MMP26: variants seen among roughly 807,000 people sequenced by gnomAD.
The protein encoded by MMP26 is matrix metalloproteinase-26.
In MMP26, 33 loss-of-function variants were observed where a neutral mutation model predicts 31.0. That is an observed-to-expected ratio of 1.06 (90% CI 0.81 to 1.42). The LOEUF is 1.42. Ranked by LOEUF, MMP26 falls within the 40% of genes most tolerant of loss-of-function variation. MMP26 has a pLI of 0.00. For synonymous variants in MMP26, 122 were observed against 114.9 expected (o/e 1.06, Z -0.40); for missense variants, 347 against 316.1 (o/e 1.10, Z -0.74).
At chr11:4,969,851 C>T (rs745360130) in intron 2 of MMP26, among the ~76,000 whole-genome samples, 6 of 152,114 alleles carry the variant, frequency 3.9e-5, no homozygotes, top group Non-Finnish European at 7.4e-5. Context: ...ACTAGGCTCA[C>T]TTGCCAAAGA....
At chr11:4,982,340 G>A (rs1182970098) in intron 2 of MMP26, among the ~76,000 whole-genome samples, 5 of 152,248 alleles carry the variant, frequency 3.3e-5, no homozygotes, top group South Asian at 4.1e-4. Flanking sequence ...CAGCTACAAT[G>A]TCACTACATG....
chr11:4,814,615 A>G (rs772522104), intron 2 of MMP26, among the ~76,000 whole-genome samples: 1 of 152,200 alleles, frequency 6.6e-6, no homozygotes, highest in East Asian at 1.9e-4. Flanking sequence ...AACAGTTTCT[A>G]CAAACCAGGT....
At chr11:4,734,846 T>TATATAAGCAGGGCATAGGCAGAA (rs1296636856) in intron 1 of MMP26, among the ~76,000 whole-genome samples, 105 of 151,734 alleles carry the variant, frequency 6.9e-4, no homozygotes, top group Admixed American at 1.1e-3. Flanking sequence ...ATAGCATATT[T>TATATAAGCAGGGCATAGGCAGAA]TCAGCTTGTA....
At chr11:4,730,404 A>AAGAGACAGAGAGAGAGAGAGAG (rs141091963) in intron 1 of MMP26, among the ~76,000 whole-genome samples, 73 of 145,046 alleles carry the variant, frequency 5.0e-4, no homozygotes, top group African/African-American at 1.8e-3. Flanking sequence ...GTTTCTGGGA[A>AAGAGACAGAGAGAGAGAGAGAG]AGAGAGAGAG....
chr11:4,875,413 CT>C (rs1850366268), intron 2 of MMP26: 1 of 152,058 alleles, frequency 6.6e-6, no homozygotes, highest in African/African-American at 2.4e-5. Flanking sequence ...TTTAACAGTT[CT>C]TTAGATCAGA....
chr11:4,739,767 T>G (rs1848287946), intron 1 of MMP26, among the ~76,000 whole-genome samples: 1 of 152,198 alleles, frequency 6.6e-6, no homozygotes, highest in Non-Finnish European at 1.5e-5. Context: ...CCTGCTCTTA[T>G]AGGCCACTGA....
intron 2 of MMP26, among the ~76,000 whole-genome samples, chr11:4,923,065 T>C (rs1851207562): frequency 6.6e-6 from 1 of 152,244 alleles, no homozygotes; most frequent in Admixed American, 6.5e-5. Context: ...TGTCCAATCA[T>C]AATGGTTAAT....
rs192902490 is a variant in MMP26, at chr11:4,709,059, A to G, written c.-217+4014A>G. Among the ~76,000 whole-genome samples the G allele has an allele frequency of 8.5e-5, 13 of 152,302 alleles. No individual in the cohort carries two copies. In the East Asian group the frequency reaches 2.5e-3, roughly 29 times the overall value. The stretch of plus-strand genomic sequence containing the variant: ...TTCATTTGATCAGGAGTATTTTACT[A>G]GAAAATGTTTAATATTATCTTATTC... On this transcript the variant is annotated intron_variant, in intron 1 of 7. Coordinates refer to ENST00000380390, the MANE Select transcript of MMP26 (RefSeq NM_021801.5).
chr11:4,887,585 C>T (rs1346822874), intron 2 of MMP26, among the ~76,000 whole-genome samples: 2 of 152,078 alleles, frequency 1.3e-5, no homozygotes, highest in Non-Finnish European at 2.9e-5. Context: ...ATAGTTACTC[C>T]TTACTTCTTT....
chr11:4,862,969 T>G (rs1445418678), intron 2 of MMP26, among the ~76,000 whole-genome samples: 3 of 152,140 alleles, frequency 2.0e-5, no homozygotes, highest in African/African-American at 2.4e-5. Flanking sequence ...AAATGTCAAG[T>G]GAGAGCCTTC....
At chr11:4,891,290 T>C (rs1029967316) in intron 2 of MMP26, among the ~76,000 whole-genome samples, 3 of 152,082 alleles carry the variant, frequency 2.0e-5, no homozygotes, top group East Asian at 3.9e-4. Context: ...GGAGCTTTTA[T>C]TCATGACAGA....
At chr11:4,877,637 A>C (rs931775722) in intron 2 of MMP26, 5 of 152,194 alleles carry the variant, frequency 3.3e-5, no homozygotes, top group African/African-American at 1.2e-4. Context: ...GTAGCTGTAC[A>C]TGGCTATTAA....
chr11:4,990,968 G>T (rs541799395), intron 5 of MMP26, among the ~76,000 whole-genome samples: 61 of 152,248 alleles, frequency 4.0e-4, no homozygotes, highest in African/African-American at 1.4e-3. Flanking sequence ...TATGGTGGGG[G>T]TACTGCACAT....
At chr11:4,940,527 G>C (rs186537467) in intron 2 of MMP26, among the ~76,000 whole-genome samples, 11 of 152,242 alleles carry the variant, frequency 7.2e-5, no homozygotes, top group African/African-American at 2.4e-4. Flanking sequence ...TATAAAATCA[G>C]TGATAATAAA....
At position 4,989,777 on chromosome 11, in the gene MMP26, C is replaced by A; in HGVS notation, c.229C>A (p.Leu77Ile). Residue 77 changes from leucine (L) to isoleucine (I), a missense_variant, in exon 4 of 8, where the codon CTA becomes ATA. Coordinates refer to ENST00000380390, the MANE Select transcript of MMP26 (RefSeq NM_021801.5). ...ACTTGACATGCAGATGCATGCTCTGCTACACCAGCCCCACTGTGGGGTGCC... is the reference window on the plus strand; with the variant it reads ...ACTTGACATGCAGATGCATGCTCTGATACACCAGCCCCACTGTGGGGTGCC... ...DLLDMQMHAL[L>I]HQPHCGVPDG... 1 of 1,613,938 alleles carries A rather than the reference C, an allele frequency of 6.2e-7. No individual in the cohort carries two copies.
At chr11:4,820,778 A>T (rs1849485161) in intron 2 of MMP26, among the ~76,000 whole-genome samples, 2 of 152,178 alleles carry the variant, frequency 1.3e-5, no homozygotes, top group Non-Finnish European at 2.9e-5. Flanking sequence ...CATCTGCAAA[A>T]TTCGTGTACG....
intron 2 of MMP26, among the ~76,000 whole-genome samples, chr11:4,793,165 A>G (rs1006541670): frequency 3.3e-5 from 5 of 152,216 alleles, no homozygotes; most frequent in Non-Finnish European, 5.9e-5. Context: ...TTAATTTTAT[A>G]ATCACCCTTT....
intron 2 of MMP26, among the ~76,000 whole-genome samples, chr11:4,831,890 A>C (rs978541796): frequency 1.3e-5 from 2 of 152,356 alleles, no homozygotes; most frequent in East Asian, 1.9e-4. Context: ...TCAGGGAATA[A>C]AGATAGAAAA....
chr11:4,867,055 AT>A (rs1850245156), intron 2 of MMP26, among the ~76,000 whole-genome samples: 2 of 152,294 alleles, frequency 1.3e-5, no homozygotes, highest in South Asian at 2.1e-4. Flanking sequence ...GCCAAAAACA[AT>A]TGGAACAAAA....
Sources: gnomAD v4.1 joint callset for allele counts (sites outside exome capture counted in the v4.1 genomes callset) on GRCh38, gnomAD v4.1.1 for gene constraint, MANE v1.5 for transcripts, NCBI Gene and HGNC (gene_info 2026-07-23, HGNC 2026-07-21) for gene names.